PAX2: variants seen among roughly 807,000 people sequenced by gnomAD.
PAX2 encodes paired box protein Pax-2.
In PAX2, 9 loss-of-function variants were observed where a neutral mutation model predicts 41.7. The ratio of observed to expected loss-of-function variants is 0.22; its 90% confidence interval spans 0.13 to 0.38. PAX2 has a LOEUF of 0.38. Among genes scored for constraint, PAX2 ranks in the 10% least tolerant of loss-of-function variants. The pLI is 1.00. For synonymous variants in PAX2, 221 were observed against 212.7 expected, an observed-to-expected ratio of 1.04 and a Z score of -0.34; for missense variants, 418 against 531.6, an observed-to-expected ratio of 0.79 and a Z score of 2.10.
intron 7 of PAX2, among the ~76,000 whole-genome samples, chr10:100,818,046 T>A (rs901051079): frequency 1.9e-4 from 29 of 152,210 alleles, no homozygotes; most frequent in African/African-American, 6.8e-4. Flanking sequence ...AATGCAGGCA[T>A]AGACTGCCAG....
At chr10:100,737,425 C>T (rs966031618) in intron 1 of PAX2, among the ~76,000 whole-genome samples, 1 of 152,254 alleles carries the variant, frequency 6.6e-6, no homozygotes, top group African/African-American at 2.4e-5. Context: ...TTACCCGGCG[C>T]GCGTGGCACA....
In PAX2 at chr10:100,746,234, G is replaced by T; in HGVS notation, c.-27G>T. On this transcript the variant is annotated 5_prime_UTR_variant, in exon 1 of 10. Transcript: ENST00000355243. The stretch of plus-strand genomic sequence containing the variant: ...GAGAGGCGACACGGCGGCGGCGGCC[G>T]CGCTGCTCCCGCTCCTCTGCCTCCC... 1 of 1,613,026 alleles carries T rather than the reference G, an allele frequency of 6.2e-7. No homozygotes were observed. Among genetic ancestry groups the T allele is most frequent in the Non-Finnish European group, 8.5e-7 (1 of 1,179,680 alleles).
chr10:100,775,824 C>T (rs1413819708), intron 3 of PAX2, among the ~76,000 whole-genome samples: 3 of 152,206 alleles, frequency 2.0e-5, no homozygotes, highest in African/African-American at 7.2e-5. Flanking sequence ...TGATTGTACA[C>T]TGCCTCTCAG....
chr10:100,754,919 G>T (rs552298735), intron 3 of PAX2, among the ~76,000 whole-genome samples: 1 of 152,300 alleles, frequency 6.6e-6, no homozygotes, highest in South Asian at 2.1e-4. Flanking sequence ...AAGAGACAGG[G>T]CAAGTTGGAG....
At chr10:100,819,558 G>A (rs1589899188) in intron 7 of PAX2, among the ~76,000 whole-genome samples, 1 of 152,122 alleles carries the variant, frequency 6.6e-6, no homozygotes. Flanking sequence ...TGACGAGAGC[G>A]AGACTCCGTC....
Position 100,827,900 on chromosome 10 carries a change from GAGGGGGA to G in PAX2, c.*282_*288del. ...GCCTGCCTGGACTGCGCGGCGCCGTGAGGGGGATTCGGCCCAGCTCGTCCCGGCCTCC... is the reference window on the plus strand; with the variant it reads ...GCCTGCCTGGACTGCGCGGCGCCGTGTTCGGCCCAGCTCGTCCCGGCCTCC... On this transcript the variant is annotated 3_prime_UTR_variant, in exon 10 of 10. Coordinates refer to ENST00000355243, the MANE Select transcript of PAX2 (RefSeq NM_000278.5). The surrounding 1 kb of genome is among the most constrained non-coding windows in gnomAD (Gnocchi z 8.5). The G allele has an allele frequency of 2.1e-6, 1 of 473,618 alleles. No homozygotes were observed. The highest frequency in any genetic ancestry group is 3.8e-5 in the East Asian group (1 of 26,258). 29.3% of individuals were successfully genotyped at this position (473,618 alleles called of 1,614,324 possible). A position where few individuals can be genotyped will look rare whatever the true frequency, so the allele number is the denominator to read the frequency against.
intron 7 of PAX2, among the ~76,000 whole-genome samples, chr10:100,820,434 C>T (rs1848339662): frequency 6.6e-6 from 1 of 152,172 alleles, no homozygotes. Flanking sequence ...ACTTTGTAAC[C>T]TTGGCCAGGC....
intron 7 of PAX2, among the ~76,000 whole-genome samples, chr10:100,817,199 C>T (rs768691947): frequency 2.6e-5 from 4 of 152,148 alleles, no homozygotes; most frequent in East Asian, 1.9e-4. Context: ...AACACAGGGA[C>T]GTTGCCTTCT....
chr10:100,758,213 T>C (rs899436696), intron 3 of PAX2, among the ~76,000 whole-genome samples: 1 of 150,548 alleles, frequency 6.6e-6, no homozygotes, highest in Non-Finnish European at 1.5e-5. Flanking sequence ...CGATCTCAGC[T>C]CACTGCAAGC....
Position 100,750,054 on chromosome 10 carries a change from C to T in PAX2, c.212+140C>T. 1 of 996,072 alleles carries T rather than the reference C, an allele frequency of 1.0e-6. No homozygotes were observed. Among genetic ancestry groups the T allele is most frequent in the Non-Finnish European group, 1.5e-6 (1 of 680,314 alleles). 61.7% of individuals were successfully genotyped at this position (996,072 alleles called of 1,614,324 possible). A position where few individuals can be genotyped will look rare whatever the true frequency, so the allele number is the denominator to read the frequency against. On this transcript the variant is annotated intron_variant, in intron 2 of 9. Transcript: ENST00000355243. This position sits in a 1 kb window ranked among gnomAD's most constrained non-coding sequence, Gnocchi z 4.1. The stretch of plus-strand genomic sequence containing the variant: ...CCCCAAAGGGGTCTGGAGAGGTGCT[C>T]CTTTTGGAGAGAGTGTTCAGATGGT...
intron 5 of PAX2, among the ~76,000 whole-genome samples, chr10:100,783,184 C>G (rs1846703324): frequency 6.6e-6 from 1 of 152,370 alleles, no homozygotes; most frequent in South Asian, 2.1e-4. Flanking sequence ...TTCATTGTTT[C>G]TAATCAATTC....
At chr10:100,806,967 CA>C (rs1847806872) in intron 6 of PAX2, among the ~76,000 whole-genome samples, 1 of 152,094 alleles carries the variant, frequency 6.6e-6, no homozygotes, top group East Asian at 1.9e-4. Context: ...TACTCAGGAA[CA>C]TCCTCTTGCT....
At chr10:100,747,687 C>T in intron 1 of PAX2, 1 of 984,562 alleles carries the variant, frequency 1.0e-6, no homozygotes, top group Non-Finnish European at 1.2e-6. Context: ...TTTAAAAATA[C>T]TTCTGGGATA....
rs1845142308 is a variant in PAX2, at chr10:100,745,842, C to T, written c.-419C>T. Reference sequence around the variant, plus strand: ...CGGCTCCCCTCCCGGCGCCCTCTGACCGCCCCCGCCCCGCGCGCTCTCCGA... The same window carrying T: ...CGGCTCCCCTCCCGGCGCCCTCTGATCGCCCCCGCCCCGCGCGCTCTCCGA... On this transcript the variant is annotated 5_prime_UTR_variant, in exon 1 of 10. Coordinates refer to ENST00000355243, the MANE Select transcript of PAX2 (RefSeq NM_000278.5). 9.3e-7 allele frequency: 1 copy of T among 1,073,872 alleles called. No homozygotes were observed. The highest frequency in any genetic ancestry group is 1.1e-6 in the Non-Finnish European group (1 of 886,076). The allele number at this position is 1,073,872 out of a possible 1,614,324, so 66.5% of individuals were successfully genotyped here.
At chr10:100,762,200 T>TAAAA (rs55652460) in intron 3 of PAX2, among the ~76,000 whole-genome samples, 1 of 142,376 alleles carries the variant, frequency 7.0e-6, no homozygotes, top group Non-Finnish European at 1.5e-5. Flanking sequence ...CCATCTCTAT[T>TAAAA]AAAAAAAAAA....
chr10:100,745,751 C>T lies in PAX2; in HGVS notation c.-510C>T. 1.9e-6 allele frequency: 2 copies of T among 1,045,860 alleles called. No homozygotes were observed. Among genetic ancestry groups the T allele is most frequent in the Non-Finnish European group, 2.3e-6 (2 of 867,230 alleles). The allele number at this position is 1,045,860 out of a possible 1,614,324, so 64.8% of individuals were successfully genotyped here. A position where few individuals can be genotyped will look rare whatever the true frequency, so the allele number is the denominator to read the frequency against. On this transcript the variant is annotated 5_prime_UTR_variant, in exon 1 of 10. Transcript: ENST00000355243. Reference sequence around the variant, plus strand: ...CGCGCTCCCCTCCCGCAGGCGCCACCTCGGACATCCCCGGGATTGCTACTT... The same window carrying T: ...CGCGCTCCCCTCCCGCAGGCGCCACTTCGGACATCCCCGGGATTGCTACTT...
chr10:100,822,544 C>A (rs980141354), intron 7 of PAX2, among the ~76,000 whole-genome samples: 2 of 152,188 alleles, frequency 1.3e-5, no homozygotes, highest in African/African-American at 4.8e-5. Flanking sequence ...GTCCTGCCCT[C>A]AGGTTGCTTA....
In PAX2 at chr10:100,748,456, G is replaced by C; in HGVS notation, c.44-1290G>C. 2 of 985,208 alleles carry C rather than the reference G, an allele frequency of 2.0e-6. No individual in the cohort carries two copies. The highest frequency in any genetic ancestry group is 2.4e-6 in the Non-Finnish European group (2 of 829,878). 61.0% of individuals were successfully genotyped at this position (985,208 alleles called of 1,614,324 possible). The stretch of plus-strand genomic sequence containing the variant: ...GAGAAAGGGAGGGGAGAGAAATGAG[G>C]GGGGCACAGATGTCCCCGCTTTCTC... On this transcript the variant is annotated intron_variant, in intron 1 of 9. Transcript: ENST00000355243. The surrounding 1 kb of genome is among the most constrained non-coding windows in gnomAD (Gnocchi z 5.0).
intron 3 of PAX2, among the ~76,000 whole-genome samples, chr10:100,772,708 A>T (rs1244531105): frequency 6.6e-6 from 1 of 152,248 alleles, no homozygotes; most frequent in Non-Finnish European, 1.5e-5. Context: ...TGATTTATAC[A>T]TGTATATAAC....
Sources: gnomAD v4.1 joint callset for allele counts (sites outside exome capture counted in the v4.1 genomes callset) on GRCh38, gnomAD v4.1.1 for gene constraint, Gnocchi (gnomAD v3.1) non-coding constraint, MANE v1.5 for transcripts, NCBI Gene and HGNC (gene_info 2026-07-23, HGNC 2026-07-21) for gene names.